The following PCDHA7 variants were observed in gnomAD, a reference collection of about 807,000 sequenced individuals.
The protein encoded by PCDHA7 is protocadherin alpha 7, also known as protocadherin alpha-7.
A neutral mutation model predicts 57.2 loss-of-function variants in PCDHA7; 37 were observed. That is an observed-to-expected ratio of 0.65 (90% CI 0.50 to 0.85). The LOEUF is 0.85. Among genes scored for constraint, PCDHA7 ranks in the 40% least tolerant of loss-of-function variants. The pLI, the probability that PCDHA7 is intolerant of heterozygous loss-of-function variation, is 0.00. For synonymous variants in PCDHA7, 553 were observed against 558.8 expected, an observed-to-expected ratio of 0.99 and a Z score of 0.15; for missense variants, 1,188 against 1,241.8, an observed-to-expected ratio of 0.96 and a Z score of 0.65.
Position 140,877,166 on chromosome 5 carries a change from TGCTGGCGACTCCG to T in PCDHA7, c.2355+40435_2355+40447del, listed in dbSNP as rs2056906844. The T allele has an allele frequency of 1.9e-6, 3 of 1,613,836 alleles. No individual in the cohort carries two copies. In the East Asian group the frequency reaches 6.7e-5, roughly 36 times the overall value. On this transcript the variant is annotated intron_variant, in intron 1 of 3. Coordinates refer to ENST00000525929, the MANE Select transcript of PCDHA7 (RefSeq NM_018910.3). The stretch of plus-strand genomic sequence containing the variant: ...GACGAGAACGACAACGCGCCGGCAC[TGCTGGCGACTCCG>T]GCTGGCAGCGCAGGAGGCGCAGTTA...
rs569740487 is a variant in PCDHA7, at chr5:140,970,470, G to A, written c.2356-8479G>A. On this transcript the variant is annotated intron_variant, in intron 1 of 3. Transcript: ENST00000525929. Reference sequence around the variant, plus strand: ...AGTTTTGAGATTTAAGTAGGTATAAGGCCAGCTTGTTCATTATTATGAAGA... The same window carrying A: ...AGTTTTGAGATTTAAGTAGGTATAAAGCCAGCTTGTTCATTATTATGAAGA... Among the ~76,000 whole-genome samples the A allele has an allele frequency of 2.6e-5, 4 of 152,238 alleles. No homozygotes were observed. In the South Asian group the frequency reaches 8.3e-4, roughly 32 times the overall value.
intron 1 of PCDHA7, among the ~76,000 whole-genome samples, chr5:140,969,759 T>C (rs576118722): frequency 1.3e-5 from 2 of 152,338 alleles, no homozygotes; most frequent in African/African-American, 4.8e-5. Flanking sequence ...CTTAAAAAGC[T>C]CTGAGGCCTC....
intron 1 of PCDHA7, among the ~76,000 whole-genome samples, chr5:140,965,818 A>G (rs1554227859): frequency 2.6e-5 from 4 of 152,344 alleles, no homozygotes; most frequent in African/African-American, 9.6e-5. Flanking sequence ...AGAGCATTTT[A>G]AACATTTAAA....
At chr5:140,992,517 G>C (rs78765218) in intron 3 of PCDHA7, among the ~76,000 whole-genome samples, 388 of 152,300 alleles carry the variant, frequency 2.5e-3, no homozygotes, top group African/African-American at 8.8e-3. Flanking sequence ...GGGCATGGTA[G>C]CTAATGGAAA....
chr5:140,951,507 C>T (rs2094591964), intron 1 of PCDHA7, among the ~76,000 whole-genome samples: 1 of 151,952 alleles, frequency 6.6e-6, no homozygotes, highest in Admixed American at 6.6e-5. Context: ...AAAAGGAAAG[C>T]GGCTCATCTT....
chr5:140,950,826 G>A (rs1554219646), intron 1 of PCDHA7, among the ~76,000 whole-genome samples: 1 of 151,824 alleles, frequency 6.6e-6, no homozygotes, highest in African/African-American at 2.4e-5. Flanking sequence ...TTAAAGTTTG[G>A]TCCTTTAAGA....
intron 1 of PCDHA7, chr5:140,927,999 C>T: frequency 6.2e-7 from 1 of 1,614,174 alleles, no homozygotes; most frequent in Non-Finnish European, 8.5e-7. Flanking sequence ...ATGAAGACCT[C>T]GATTCTAATG....
chr5:140,857,295 G>A, intron 1 of PCDHA7: 1 of 1,598,726 alleles, frequency 6.3e-7, no homozygotes, highest in Non-Finnish European at 8.6e-7. Flanking sequence ...GACCGCGAGA[G>A]GGTGTCGGCC....
At chr5:140,943,529 A>T (rs1291911076) in intron 1 of PCDHA7, among the ~76,000 whole-genome samples, 1 of 152,220 alleles carries the variant, frequency 6.6e-6, no homozygotes, top group Non-Finnish European at 1.5e-5. Context: ...TCAGTATGCA[A>T]AATGTCATGT....
intron 1 of PCDHA7, chr5:140,969,200 G>A: frequency 2.5e-6 from 4 of 1,614,132 alleles, no homozygotes; most frequent in Non-Finnish European, 3.4e-6. Context: ...TTACAATACA[G>A]GGGCCCAGAC....
At chr5:140,871,789 AAAT>A (rs2053309848) in intron 1 of PCDHA7, among the ~76,000 whole-genome samples, 1 of 152,254 alleles carries the variant, frequency 6.6e-6, no homozygotes, top group Non-Finnish European at 1.5e-5. Context: ...ACTTGAGTAG[AAAT>A]AATTACTATT....
chr5:140,927,280 C>G, intron 1 of PCDHA7: 1 of 1,614,178 alleles, frequency 6.2e-7, no homozygotes, highest in Non-Finnish European at 8.5e-7. Flanking sequence ...CGGCGACGTG[C>G]AGCTGCACAT....
intron 1 of PCDHA7, among the ~76,000 whole-genome samples, chr5:140,916,133 G>A (rs2077446110): frequency 6.6e-6 from 1 of 152,114 alleles, no homozygotes; most frequent in Non-Finnish European, 1.5e-5. Flanking sequence ...AAGCTTAAGG[G>A]CTGTTCAGTT....
At chr5:141,003,178 A>C (rs2098114996) in intron 3 of PCDHA7, among the ~76,000 whole-genome samples, 1 of 152,180 alleles carries the variant, frequency 6.6e-6, no homozygotes, top group East Asian at 1.9e-4. Context: ...CTGAGGCTCA[A>C]CTCCATCAAC....
intron 1 of PCDHA7, chr5:140,877,765 C>T (rs377126743): frequency 4.3e-6 from 7 of 1,614,176 alleles, no homozygotes; most frequent in Non-Finnish European, 5.1e-6. Context: ...AGAGAGCCCG[C>T]CCAAGACGGA....
intron 1 of PCDHA7, among the ~76,000 whole-genome samples, chr5:140,978,185 G>C (rs1177844558): frequency 1.3e-5 from 2 of 152,168 alleles, no homozygotes; most frequent in East Asian, 3.8e-4. Context: ...GAGGGCAACA[G>C]ATCTTTTCAA....
At chr5:140,916,472 G>A (rs2077581791) in intron 1 of PCDHA7, among the ~76,000 whole-genome samples, 1 of 152,192 alleles carries the variant, frequency 6.6e-6, no homozygotes, top group Non-Finnish European at 1.5e-5. Context: ...TGGTTATTTG[G>A]TGCCCAAGGG....
intron 1 of PCDHA7, among the ~76,000 whole-genome samples, chr5:140,934,650 T>C (rs2089969846): frequency 6.6e-6 from 1 of 152,134 alleles, no homozygotes; most frequent in East Asian, 1.9e-4. Flanking sequence ...GATAAATGTT[T>C]GATTCTTCCC....
intron 1 of PCDHA7, among the ~76,000 whole-genome samples, chr5:140,872,108 A>G (rs980071264): frequency 1.3e-5 from 2 of 152,072 alleles, no homozygotes; most frequent in African/African-American, 4.8e-5. Context: ...TGGCTTTCCT[A>G]ACTTCAGGCT....
Sources: allele counts gnomAD v4.1 joint callset (sites outside exome capture counted in the v4.1 genomes callset), GRCh38; gene constraint gnomAD v4.1.1; transcripts MANE v1.5; gene names NCBI Gene and HGNC (gene_info 2026-07-23, HGNC 2026-07-21).